Variants in KIAA0586 observed in about 807,000 individuals in gnomAD.
The protein encoded by KIAA0586 is KIAA0586.
A neutral mutation model predicts 169.8 loss-of-function variants in KIAA0586; 144 were observed. The observed-to-expected ratio is 0.85, with a 90% CI of 0.74 to 0.97. The LOEUF is 0.97. Among genes scored for constraint, KIAA0586 ranks in the 50% least tolerant of loss-of-function variants. KIAA0586 has a pLI of 0.00. For synonymous variants in KIAA0586, 625 were observed against 612.4 expected (o/e 1.02, Z -0.30); for missense variants, 1,854 against 1,823.0 (o/e 1.02, Z -0.31).
Position 58,547,977 on chromosome 14 carries a change from A to G in KIAA0586, c.*45A>G. The G allele has an allele frequency of 6.2e-7, 1 of 1,601,170 alleles. No homozygotes were observed. Among genetic ancestry groups the G allele is most frequent in the South Asian group, 1.1e-5 (1 of 89,598 alleles). On this transcript the variant is annotated 3_prime_UTR_variant, in exon 31 of 31. Coordinates refer to ENST00000652326, the MANE Select transcript of KIAA0586 (RefSeq NM_001329943.3). ...ACAGTGTTTATGCCACTGGTTTTAAAGTCATTTTACCTTGGCTTAAAACCC... is the reference window on the plus strand; with the variant it reads ...ACAGTGTTTATGCCACTGGTTTTAAGGTCATTTTACCTTGGCTTAAAACCC...
At chr14:58,528,214 G>A (rs2045724730) in intron 29 of KIAA0586, among the ~76,000 whole-genome samples, 1 of 152,190 alleles carries the variant, frequency 6.6e-6, no homozygotes, top group South Asian at 2.1e-4. Flanking sequence ...CAAGTTCTTA[G>A]AGACCTACAA....
Position 58,487,044 on chromosome 14 carries a change from C to T in KIAA0586, c.3182C>T (p.Thr1061Met), listed in dbSNP as rs564215930. The T allele has an allele frequency of 6.8e-6, 11 of 1,613,230 alleles. No individual in the cohort carries two copies. The highest frequency in any genetic ancestry group is 4.5e-5 in the East Asian group (2 of 44,868). ...VCTPLPTPQP[T>M]PPCSPSSPAK... ...ACCCCACTGCCTACCCCACAGCCTACGCCTCCTTGCTCACCTTCATCACCT... is the reference window on the plus strand; with the variant it reads ...ACCCCACTGCCTACCCCACAGCCTATGCCTCCTTGCTCACCTTCATCACCT... The change falls in exon 22 of 31, where the codon ACG (threonine) becomes ATG (methionine). Residue 1061 changes from threonine to methionine, a missense_variant. Physicochemically the swap from Thr to Met is moderately conservative, Grantham distance 81 (BLOSUM62 -1). Transcript: ENST00000652326.
intron 29 of KIAA0586, among the ~76,000 whole-genome samples, chr14:58,538,819 G>A (rs935147624): frequency 3.3e-5 from 5 of 151,552 alleles, no homozygotes; most frequent in East Asian, 3.9e-4. Flanking sequence ...TGGCTCTGTC[G>A]TCCAGGCTGG....
intron 4 of KIAA0586, among the ~76,000 whole-genome samples, chr14:58,434,935 T>G (rs1293030229): frequency 6.6e-6 from 1 of 150,840 alleles, no homozygotes; most frequent in African/African-American, 2.4e-5. Flanking sequence ...ACTACAGGCA[T>G]GTGCCACCAC....
At chr14:58,492,966 A>G (rs2042926709) in intron 26 of KIAA0586, among the ~76,000 whole-genome samples, 1 of 152,228 alleles carries the variant, frequency 6.6e-6, no homozygotes, top group South Asian at 2.1e-4. Context: ...ATGATCATAA[A>G]GAACATTTTA....
chr14:58,547,673 T>G, intron 30 of KIAA0586, 108 bp from the exon 31 acceptor site: 1 of 957,562 alleles, frequency 1.0e-6, no homozygotes, highest in Non-Finnish European at 1.6e-6. Flanking sequence ...CAATCCTTAT[T>G]TGGAATCCGC....
At position 58,488,814 on chromosome 14, in the gene KIAA0586, G is replaced by A; in HGVS notation, c.3721G>A (p.Asp1241Asn). ...SVTVTETETL[D>N]KPISEGEILF... ...TACTGTCACTGAAACTGAAACTTTA[G>A]ATAAACCCATCTCTGAAGGAGAGAT... Residue 1241 changes from aspartate (D) to asparagine (N), a missense_variant, in exon 24 of 31, where the codon GAT (aspartate) becomes AAT (asparagine). By Grantham distance (23) the Asp-to-Asn change is conservative. Transcript: ENST00000652326. The A allele has an allele frequency of 6.2e-7, 1 of 1,613,886 alleles. No homozygotes were observed. The highest frequency in any genetic ancestry group is 8.5e-7 in the Non-Finnish European group (1 of 1,179,838).
At chr14:58,526,840 C>T (rs2045615664) in intron 29 of KIAA0586, among the ~76,000 whole-genome samples, 1 of 152,132 alleles carries the variant, frequency 6.6e-6, no homozygotes, top group African/African-American at 2.4e-5. Context: ...ACTGTAATTT[C>T]CCTTTGCTTA....
At chr14:58,468,150 A>T (rs1459464011) in intron 16 of KIAA0586, among the ~76,000 whole-genome samples, 1 of 152,058 alleles carries the variant, frequency 6.6e-6, no homozygotes, top group African/African-American at 2.4e-5. Context: ...GGTTCAAGTG[A>T]TTCTCCTGCC....
intron 8 of KIAA0586, among the ~76,000 whole-genome samples, chr14:58,452,145 G>A (rs532839851): frequency 4.6e-5 from 7 of 152,174 alleles, no homozygotes; most frequent in Admixed American, 2.0e-4. Context: ...GTGGGAAGCG[G>A]GTGAGGGATA....
the KIAA0586 span, among the ~76,000 whole-genome samples, chr14:58,559,847 T>G: frequency 1.3e-5 from 2 of 152,014 alleles, no homozygotes; most frequent in East Asian, 3.9e-4. Context: ...GTGGAGCATT[T>G]AAAAACTAAA....
intron 4 of KIAA0586, among the ~76,000 whole-genome samples, chr14:58,439,376 A>C (rs561369297): frequency 1.5e-4 from 23 of 152,062 alleles, no homozygotes; most frequent in African/African-American, 4.1e-4. Flanking sequence ...TTTAGTAGAG[A>C]TGGGGTTTCA....
At chr14:58,509,927 A>G (rs2044266391) in intron 28 of KIAA0586, among the ~76,000 whole-genome samples, 1 of 152,232 alleles carries the variant, frequency 6.6e-6, no homozygotes, top group Non-Finnish European at 1.5e-5. Context: ...TTTACAAATC[A>G]CTTATCTTAT....
chr14:58,474,092 T>G (rs1055642351), intron 18 of KIAA0586, among the ~76,000 whole-genome samples: 2 of 151,942 alleles, frequency 1.3e-5, no homozygotes, highest in African/African-American at 4.8e-5. Context: ...TGTGCCAGTC[T>G]CCTTTAAACA....
chr14:58,498,927 A>C lies in KIAA0586; in HGVS notation c.4135A>C (p.Lys1379Gln). 6.2e-7 allele frequency: 1 copy of C among 1,609,002 alleles called. No homozygotes were observed. The highest frequency in any genetic ancestry group is 8.5e-7 in the Non-Finnish European group (1 of 1,177,732). Reference sequence around the variant, plus strand: ...GTCTTTGGATCAACAATGTGATCCTAAACCATTATCTCGGCAATTTGACAC... The same window carrying C: ...GTCTTTGGATCAACAATGTGATCCTCAACCATTATCTCGGCAATTTGACAC... ...TQSLDQQCDPKPLSRQFDTVS... is the reference protein window; with the variant it reads ...TQSLDQQCDPQPLSRQFDTVS... The change falls in exon 27 of 31, where the codon AAA becomes CAA. Residue 1379 changes from lysine (K) to glutamine (Q), a missense_variant. Coordinates refer to ENST00000652326, the MANE Select transcript of KIAA0586 (RefSeq NM_001329943.3).
intron 19 of KIAA0586, 78 bp from the exon 20 acceptor site, chr14:58,477,045 G>A: frequency 1.4e-6 from 1 of 695,790 alleles, no homozygotes; most frequent in South Asian, 1.8e-5. Flanking sequence ...TTATTTTTAG[G>A]GGTGGTATGT....
At chr14:58,513,129 C>T (rs1443251413) in intron 29 of KIAA0586, among the ~76,000 whole-genome samples, 1 of 151,958 alleles carries the variant, frequency 6.6e-6, no homozygotes, top group Non-Finnish European at 1.5e-5. Context: ...CCACAGTCAG[C>T]GTTCAAGCAT....
chr14:58,429,331 A>G (rs2037168470), intron 1 of KIAA0586, 32 bp from the exon 2 acceptor site: 10 of 1,323,494 alleles, frequency 7.6e-6, no homozygotes, highest in Non-Finnish European at 1.1e-5. Flanking sequence ...CTGATTTTAA[A>G]ATCACTAAAA....
At chr14:58,520,325 A>C (rs531413301) in intron 29 of KIAA0586, among the ~76,000 whole-genome samples, 179 of 152,220 alleles carry the variant, frequency 1.2e-3, no homozygotes, top group African/African-American at 4.2e-3. Flanking sequence ...AAGAAACTCC[A>C]TATCTATTAG....
Sources: gnomAD v4.1 joint callset for allele counts (sites outside exome capture counted in the v4.1 genomes callset) on GRCh38, gnomAD v4.1.1 for gene constraint, MANE v1.5 for transcripts, NCBI Gene and HGNC (gene_info 2026-07-23, HGNC 2026-07-21) for gene names.